Variants in CNOT4 observed in about 807,000 individuals in gnomAD.
CNOT4 encodes the protein CCR4-associated factor 4.
CNOT4 carries 8 observed loss-of-function variants against 73.8 expected under a neutral mutation model. The observed-to-expected ratio is 0.11, with a 90% CI of 0.06 to 0.20. The LOEUF (loss-of-function observed/expected upper bound fraction) is 0.20, where lower values mean the gene tolerates loss of function less well. CNOT4 is among the 10% of genes least tolerant of loss of function. The probability of loss-of-function intolerance (pLI) is 1.00; values close to 1 mark genes in which losing one functional copy is unlikely to be tolerated. For synonymous variants in CNOT4, 293 were observed against 321.1 expected (o/e 0.91, Z 0.94); for missense variants, 564 against 883.4 (o/e 0.64, Z 4.58).
At chr7:135,447,988 C>T (rs1041941061) in intron 1 of CNOT4, among the ~76,000 whole-genome samples, 2 of 152,090 alleles carry the variant, frequency 1.3e-5, no homozygotes, top group Non-Finnish European at 2.9e-5. Context: ...GAAAGCTCTG[C>T]CAAACACTGT....
At chr7:135,490,730 C>T (rs1022744803) in intron 1 of CNOT4, among the ~76,000 whole-genome samples, 1 of 152,190 alleles carries the variant, frequency 6.6e-6, no homozygotes, top group Admixed American at 6.5e-5. Flanking sequence ...CTAGAACAAT[C>T]TCTAATCTTA....
rs368775639 is a variant in CNOT4, at chr7:135,428,548, T to C, written c.175-6195A>G. 4.6e-5 allele frequency among the ~76,000 whole-genome samples: 7 copies of C among 152,240 alleles called. No individual in the cohort carries two copies. The East Asian group carries it at 9.6e-4, about 21-fold the overall frequency. ...AAAGAGCAAACATTACTTCTAGGTA[T>C]GGAAAACACAAAACCAATAGTTAAA... On this transcript the variant is annotated intron_variant, in intron 2 of 11. Transcript: ENST00000541284.
intron 1 of CNOT4, among the ~76,000 whole-genome samples, chr7:135,450,565 G>C (rs1800097576): frequency 6.6e-6 from 1 of 152,088 alleles, no homozygotes. Flanking sequence ...TGTTGAATAG[G>C]CTGTTCTCAA....
chr7:135,395,695 G>A lies in CNOT4; in HGVS notation c.1068C>T (p.Ser356=), dbSNP rs1422406693. The change falls in exon 9 of 12, where the codon AGC becomes AGT. Residue 356 remains serine (S), a synonymous_variant. Coordinates refer to ENST00000541284, the MANE Select transcript of CNOT4 (RefSeq NM_001190850.2). ...PIPSGLPPFP[S]SPQTSSDWPT... ...GCCAGTCACTGGATGTCTGTGGGGA[G>A]CTGGGGAAAGGAGGAAGCCCACTTG... 1 of 1,614,008 alleles carries A rather than the reference G, an allele frequency of 6.2e-7. No individual in the cohort carries two copies. Among genetic ancestry groups the A allele is most frequent in the African/African-American group, 1.3e-5 (1 of 74,930 alleles).
At chr7:135,370,162 C>T (rs1215559685) in intron 10 of CNOT4, among the ~76,000 whole-genome samples, 1 of 152,142 alleles carries the variant, frequency 6.6e-6, no homozygotes, top group African/African-American at 2.4e-5. Flanking sequence ...CACTAGGTCA[C>T]AGACAAAATC....
At chr7:135,399,671 TA>T (rs574408130) in intron 7 of CNOT4, among the ~76,000 whole-genome samples, 1 of 151,958 alleles carries the variant, frequency 6.6e-6, no homozygotes, top group South Asian at 2.1e-4. Context: ...TTAATTGCTC[TA>T]AAAAAAATAT....
intron 1 of CNOT4, among the ~76,000 whole-genome samples, chr7:135,443,683 G>T (rs1471582888): frequency 6.6e-6 from 1 of 152,186 alleles, no homozygotes. Flanking sequence ...ACTAGTAACT[G>T]TGACATGTGT....
At chr7:135,425,952 G>C (rs1351536114) in intron 2 of CNOT4, among the ~76,000 whole-genome samples, 1 of 152,132 alleles carries the variant, frequency 6.6e-6, no homozygotes, top group African/African-American at 2.4e-5. Context: ...GGAGGGCTGG[G>C]TGCGGTGGCT....
chr7:135,391,842 AAGTC>A (rs1262881196), intron 10 of CNOT4, among the ~76,000 whole-genome samples: 1 of 152,054 alleles, frequency 6.6e-6, no homozygotes, highest in African/African-American at 2.4e-5. Context: ...GTCATGTAAT[AAGTC>A]AAATAAAAGC....
At chr7:135,381,422 T>C (rs1795841481) in intron 10 of CNOT4, among the ~76,000 whole-genome samples, 1 of 152,210 alleles carries the variant, frequency 6.6e-6, no homozygotes, top group Non-Finnish European at 1.5e-5. Context: ...GCTTCAAACA[T>C]TTTTACCACT....
intron 10 of CNOT4, among the ~76,000 whole-genome samples, chr7:135,378,607 T>G (rs933469996): frequency 6.6e-6 from 1 of 151,776 alleles, no homozygotes; most frequent in Non-Finnish European, 1.5e-5. Context: ...ATTGGGCAGA[T>G]AGAGGGTCTG....
Position 135,394,129 on chromosome 7 carries a change from C to T in CNOT4, c.1416G>A (p.Leu472=). The change falls in exon 10 of 12, where the codon TTG becomes TTA. Residue 472 remains leucine (L), a synonymous_variant. Transcript: ENST00000541284. ...GCTGAAATTGAGGGAACCTCTGGGGCAAGACTGAAAAGGTACTATTGAGAG... is the reference window on the plus strand; with the variant it reads ...GCTGAAATTGAGGGAACCTCTGGGGTAAGACTGAAAAGGTACTATTGAGAG... ...ANSLNSTFSV[L]PQRFPQFQQH... is the part of the protein sequence containing the mutation. 1.2e-6 allele frequency: 2 copies of T among 1,614,104 alleles called. No individual in the cohort carries two copies. Among genetic ancestry groups the T allele is most frequent in the Middle Eastern group, 1.6e-4 (1 of 6,062 alleles).
intron 2 of CNOT4, among the ~76,000 whole-genome samples, chr7:135,436,972 A>T (rs973960021): frequency 6.6e-6 from 1 of 152,204 alleles, no homozygotes; most frequent in African/African-American, 2.4e-5. Context: ...TTATACAAAC[A>T]TTAAAGAAAA....
intron 3 of CNOT4, among the ~76,000 whole-genome samples, chr7:135,418,498 T>C (rs1195193845): frequency 1.3e-5 from 2 of 152,176 alleles, no homozygotes; most frequent in African/African-American, 2.4e-5. Flanking sequence ...CAAGTATTCA[T>C]AGATACTACA....
At chr7:135,504,326 C>A (rs939511777) in intron 1 of CNOT4, among the ~76,000 whole-genome samples, 4 of 149,176 alleles carry the variant, frequency 2.7e-5, no homozygotes, top group Admixed American at 6.7e-5. Flanking sequence ...GACAAAGTCT[C>A]ACTCTGTCAC....
chr7:135,382,351 G>T (rs1042236573), intron 10 of CNOT4, among the ~76,000 whole-genome samples: 1 of 152,156 alleles, frequency 6.6e-6, no homozygotes, highest in African/African-American at 2.4e-5. Context: ...ACAACTCACA[G>T]AAGCAAATCA....
intron 1 of CNOT4, among the ~76,000 whole-genome samples, chr7:135,453,737 T>C (rs1455575043): frequency 1.4e-5 from 2 of 146,122 alleles, no homozygotes; most frequent in Non-Finnish European, 3.0e-5. Context: ...TTTATATATA[T>C]ATGTTATATT....
chr7:135,491,671 G>A (rs777734417), intron 1 of CNOT4, among the ~76,000 whole-genome samples: 19 of 152,174 alleles, frequency 1.2e-4, no homozygotes, highest in Non-Finnish European at 1.9e-4. Flanking sequence ...ATGCTTTAAG[G>A]GGTTCTACAG....
At chr7:135,498,580 G>A (rs1404530433) in intron 1 of CNOT4, among the ~76,000 whole-genome samples, 1 of 152,036 alleles carries the variant, frequency 6.6e-6, no homozygotes, top group Non-Finnish European at 1.5e-5. Context: ...ACGGACTCTT[G>A]CTCTGTCACC....
Sources: gnomAD v4.1 joint callset for allele counts (sites outside exome capture counted in the v4.1 genomes callset) on GRCh38, gnomAD v4.1.1 for gene constraint, MANE v1.5 for transcripts, NCBI Gene and HGNC (gene_info 2026-07-23, HGNC 2026-07-21) for gene names.